The following PLCL2 variants were observed in gnomAD, a reference collection of about 807,000 sequenced individuals.
PLCL2 encodes inactive phospholipase C-like protein 2.
In PLCL2, 4 loss-of-function variants were observed where a neutral mutation model predicts 79.6. That is an observed-to-expected ratio of 0.05 (90% CI 0.02 to 0.11). The LOEUF is 0.11. Ranked by LOEUF, PLCL2 falls within the 10% of genes least tolerant of loss-of-function variation. The pLI is 1.00. For synonymous variants in PLCL2, 484 were observed against 457.7 expected, an observed-to-expected ratio of 1.06 and a Z score of -0.73; for missense variants, 895 against 1,291.0, an observed-to-expected ratio of 0.69 and a Z score of 4.70.
intron 1 of PLCL2, among the ~76,000 whole-genome samples, chr3:16,928,770 A>G (rs539930821): frequency 2.6e-5 from 4 of 152,382 alleles, no homozygotes; most frequent in East Asian, 3.9e-4. Context: ...TATGAGAAGT[A>G]TGGAGTACCA....
chr3:17,002,070 G>GAGATA (rs2064217425), intron 1 of PLCL2, among the ~76,000 whole-genome samples: 1 of 151,800 alleles, frequency 6.6e-6, no homozygotes, highest in Non-Finnish European at 1.5e-5. Flanking sequence ...CACTTCTTTG[G>GAGATA]TTACATTTAT....
intron 4 of PLCL2, among the ~76,000 whole-genome samples, chr3:17,066,682 T>A (rs2065014115): frequency 2.0e-5 from 3 of 152,102 alleles, no homozygotes; most frequent in African/African-American, 7.2e-5. Flanking sequence ...CACATTGGAG[T>A]CTCTGTAGCT....
intron 1 of PLCL2, among the ~76,000 whole-genome samples, chr3:16,925,311 A>G (rs930294106): frequency 3.3e-5 from 5 of 151,496 alleles, no homozygotes; most frequent in Admixed American, 2.0e-4. Flanking sequence ...CTGTTTGCAC[A>G]TATATTTATC....
At chr3:16,960,305 C>T (rs1575554612) in intron 1 of PLCL2, among the ~76,000 whole-genome samples, 1 of 152,204 alleles carries the variant, frequency 6.6e-6, no homozygotes, top group African/African-American at 2.4e-5. Context: ...TCCCCCAGCA[C>T]AGTGCCGCCA....
rs1215946482 is a variant in PLCL2 at position 17,075,051 on chromosome 3, G to T, written c.3204+6986G>T. Among the ~76,000 whole-genome samples, 5 of 152,138 alleles carry T rather than the reference G, an allele frequency of 3.3e-5. No homozygotes were observed. The South Asian group carries it at 8.3e-4, about 25-fold the overall frequency. On this transcript the variant is annotated intron_variant, in intron 5 of 5. Coordinates refer to ENST00000615277, the MANE Select transcript of PLCL2 (RefSeq NM_001144382.2). ...CATTAACAACTTGGATAAATGTTTG[G>T]TGCAAGAGACCTAGCTTTTGGCTCA...
intron 5 of PLCL2, among the ~76,000 whole-genome samples, chr3:17,085,507 G>A (rs2065209409): frequency 6.6e-6 from 1 of 151,716 alleles, no homozygotes; most frequent in South Asian, 2.1e-4. Flanking sequence ...CTGGAGTGCA[G>A]TGGTGTGATC....
At chr3:16,888,355 T>C (rs1296793700) in intron 1 of PLCL2, among the ~76,000 whole-genome samples, 1 of 152,270 alleles carries the variant, frequency 6.6e-6, no homozygotes, top group Admixed American at 6.5e-5. Context: ...AAGAACTCTT[T>C]GGTTATGTTA....
intron 4 of PLCL2, among the ~76,000 whole-genome samples, chr3:17,059,583 G>C (rs2064927484): frequency 6.6e-6 from 1 of 151,570 alleles, no homozygotes; most frequent in Non-Finnish European, 1.5e-5. Flanking sequence ...TGCATATATA[G>C]ATATATAGAT....
chr3:17,017,959 C>A (rs1003666490), intron 3 of PLCL2, among the ~76,000 whole-genome samples: 2 of 152,138 alleles, frequency 1.3e-5, no homozygotes, highest in African/African-American at 4.8e-5. Context: ...TGTGCTTTTA[C>A]AGGACTTGTG....
chr3:17,005,410 A>G (rs2064251786), intron 1 of PLCL2, among the ~76,000 whole-genome samples: 5 of 152,196 alleles, frequency 3.3e-5, no homozygotes, highest in Admixed American at 3.3e-4. Flanking sequence ...ACCCATGCCC[A>G]TTTATGAAAT....
chr3:16,978,081 C>T (rs1267723855), intron 1 of PLCL2, among the ~76,000 whole-genome samples: 2 of 152,178 alleles, frequency 1.3e-5, no homozygotes, highest in Admixed American at 6.5e-5. Context: ...GAGACATAGA[C>T]ATTCAGAACA....
chr3:17,067,030 C>G (rs1022968235), intron 4 of PLCL2, among the ~76,000 whole-genome samples: 2 of 151,736 alleles, frequency 1.3e-5, no homozygotes, highest in African/African-American at 2.4e-5. Flanking sequence ...CAAATTACAT[C>G]CAAAAAAAGC....
chr3:16,898,771 A>G (rs1289611988), intron 1 of PLCL2, among the ~76,000 whole-genome samples: 6 of 152,268 alleles, frequency 3.9e-5, no homozygotes, highest in Admixed American at 6.5e-5. Flanking sequence ...ATTCCTGGGA[A>G]CAACAGGGAC....
At chr3:16,941,134 C>T (rs1697670981) in intron 1 of PLCL2, among the ~76,000 whole-genome samples, 1 of 152,208 alleles carries the variant, frequency 6.6e-6, no homozygotes, top group Non-Finnish European at 1.5e-5. Context: ...CCCCTGTTCT[C>T]ACCACTTTGC....
intron 3 of PLCL2, among the ~76,000 whole-genome samples, chr3:17,039,859 C>T (rs1391647604): frequency 3.3e-5 from 5 of 152,248 alleles, no homozygotes; most frequent in Admixed American, 6.5e-5. Flanking sequence ...AATCGGGGGA[C>T]GATATTCACT....
intron 1 of PLCL2, among the ~76,000 whole-genome samples, chr3:16,990,360 G>A (rs1187228678): frequency 6.6e-6 from 1 of 152,126 alleles, no homozygotes; most frequent in South Asian, 2.1e-4. Flanking sequence ...CTCTATAAAG[G>A]GCTGCCTGAG....
At chr3:16,919,647 C>T (rs776841098) in intron 1 of PLCL2, among the ~76,000 whole-genome samples, 3 of 152,052 alleles carry the variant, frequency 2.0e-5, no homozygotes, top group Non-Finnish European at 2.9e-5. Flanking sequence ...TAATATTTAG[C>T]CTTCCACTAG....
intron 1 of PLCL2, among the ~76,000 whole-genome samples, chr3:16,966,534 A>C (rs1021756933): frequency 6.6e-6 from 1 of 152,138 alleles, no homozygotes; most frequent in Non-Finnish European, 1.5e-5. Flanking sequence ...TGGCCTCATA[A>C]AATGAGTTAG....
In PLCL2 at chr3:17,042,823, A is replaced by T. The variant is rs1262123215; in HGVS notation, c.3019-51A>T. 4 of 1,245,590 alleles carry T rather than the reference A, an allele frequency of 3.2e-6. No individual in the cohort carries two copies. In the East Asian group the frequency reaches 9.3e-5, roughly 29 times the overall value. The allele number at this position is 1,245,590 out of a possible 1,614,324, so 77.2% of individuals were successfully genotyped here. A position where few individuals can be genotyped will look rare whatever the true frequency, so the allele number is the denominator to read the frequency against. On this transcript the variant is annotated intron_variant, in intron 3 of 5. Coordinates refer to ENST00000615277, the MANE Select transcript of PLCL2 (RefSeq NM_001144382.2). ...GAAGAGCCTTGTGCATGAATGCAGG[A>T]GGGGATCTAGTTGTCAGGTGTAATC...
Sources: allele counts gnomAD v4.1 joint callset (sites outside exome capture counted in the v4.1 genomes callset), GRCh38; gene constraint gnomAD v4.1.1; transcripts MANE v1.5; gene names NCBI Gene and HGNC (gene_info 2026-07-23, HGNC 2026-07-21).